The following HECW2 variants were observed in gnomAD, a reference collection of about 807,000 sequenced individuals.
The protein encoded by HECW2 is HECT, C2 and WW domain containing E3 ubiquitin protein ligase 2, also known as E3 ubiquitin-protein ligase HECW2.
A neutral mutation model predicts 175.2 loss-of-function variants in HECW2; 61 were observed. That is an observed-to-expected ratio of 0.35 (90% confidence interval 0.28 to 0.43). The LOEUF is 0.43. Ranked by LOEUF, HECW2 falls within the 20% of genes least tolerant of loss-of-function variation. HECW2 has a pLI of 1.00. For missense variants in HECW2, 1,524 were observed against 2,000.5 expected (o/e 0.76, Z 4.54); for synonymous variants, 671 against 731.0 (o/e 0.92, Z 1.32).
At chr2:196,252,933 C>A (rs1001836538) in intron 19 of HECW2, among the ~76,000 whole-genome samples, 1 of 152,210 alleles carries the variant, frequency 6.6e-6, no homozygotes, top group African/African-American at 2.4e-5. Context: ...GAACTAACTA[C>A]AGAGCTTCAC....
chr2:196,470,151 G>A (rs907450140), intron 1 of HECW2, among the ~76,000 whole-genome samples: 7 of 152,004 alleles, frequency 4.6e-5, no homozygotes, highest in Admixed American at 4.6e-4. Flanking sequence ...GAGATACCAG[G>A]CAAATAAACA....
chr2:196,240,298 T>TAAAA (rs35227584), intron 21 of HECW2, 151 bp downstream of exon 21: 6 of 373,758 alleles, frequency 1.6e-5, no homozygotes, highest in African/African-American at 4.4e-5. Context: ...AGGAGACCTT[T>TAAAA]AAAAAAAAAA....
At chr2:196,275,953 C>T (rs1689938873) in intron 15 of HECW2, among the ~76,000 whole-genome samples, 1 of 152,168 alleles carries the variant, frequency 6.6e-6, no homozygotes, top group South Asian at 2.1e-4. Context: ...GAAGTCTTCT[C>T]ATCCTGCTTC....
At chr2:196,365,466 A>G (rs564857168) in intron 2 of HECW2, among the ~76,000 whole-genome samples, 1 of 152,214 alleles carries the variant, frequency 6.6e-6, no homozygotes, top group African/African-American at 2.4e-5. Context: ...GTGTCTGCCT[A>G]TCTGCTGCAA....
At chr2:196,257,556 T>G (rs1689110847) in intron 18 of HECW2, among the ~76,000 whole-genome samples, 1 of 152,282 alleles carries the variant, frequency 6.6e-6, no homozygotes, top group South Asian at 2.1e-4. Flanking sequence ...AGTGGGAGAT[T>G]CTATTCATTA....
chr2:196,310,623 A>T (rs1301396340), intron 10 of HECW2, among the ~76,000 whole-genome samples: 2 of 152,236 alleles, frequency 1.3e-5, no homozygotes, highest in African/African-American at 4.8e-5. Flanking sequence ...CTCATTTCAT[A>T]GCATCAAAGT....
chr2:196,358,598 A>G (rs1174743651), intron 2 of HECW2, among the ~76,000 whole-genome samples: 3 of 126,012 alleles, frequency 2.4e-5, no homozygotes, highest in African/African-American at 8.4e-5. Context: ...AAAAAAAAAA[A>G]AAAAAAAAAA....
At chr2:196,269,516 A>AAAAAAAAAAAAAAC (rs1474148175) in intron 17 of HECW2, 1 of 151,086 alleles carries the variant, frequency 6.6e-6, no homozygotes, top group African/African-American at 2.4e-5. Flanking sequence ...AAAAAAAAAA[A>AAAAAAAAAAAAAAC]AAAAAGACAT....
chr2:196,212,460 T>G (rs910738284), intron 28 of HECW2, among the ~76,000 whole-genome samples: 46 of 152,184 alleles, frequency 3.0e-4, no homozygotes, highest in African/African-American at 1.1e-3. Flanking sequence ...GGTTTTCTGT[T>G]CCTGTGTTAG....
In HECW2 at chr2:196,401,667, G is replaced by T. The variant is rs549119198; in HGVS notation, c.292+31465C>A. Among the ~76,000 whole-genome samples, 143 of 152,280 alleles carry T rather than the reference G, an allele frequency of 9.4e-4. 1 individual carries two copies. The highest frequency in any genetic ancestry group is 3.3e-3 in the African/African-American group (137 of 41,552). ...TTATATACACAGGAGTGAATACACA[G>T]TCAGGGTATATATTCATCCTGTATA... On this transcript the variant is annotated intron_variant, in intron 2 of 28. Coordinates refer to ENST00000644978, the MANE Select transcript of HECW2 (RefSeq NM_001348768.2).
At chr2:196,263,369 C>A (rs564556635) in intron 17 of HECW2, 41 of 152,226 alleles carry the variant, frequency 2.7e-4, no homozygotes, top group African/African-American at 9.2e-4. Context: ...CATGAAACCA[C>A]CCAATATTCT....
chr2:196,196,912 T>TTG lies in HECW2; in HGVS notation c.*4363_*4364dup. ...CAAGAGTTTGAGACGTGCCTGGGCC[T>TTG]TGTCTCTACAAAAATACAAAAATTA... On this transcript the variant is annotated 3_prime_UTR_variant, in exon 29 of 29. Coordinates refer to ENST00000644978, the MANE Select transcript of HECW2 (RefSeq NM_001348768.2). The TTG allele has an allele frequency of 6.6e-6, 1 of 152,026 alleles. No homozygotes were observed. Among genetic ancestry groups the TTG allele is most frequent in the East Asian group, 1.9e-4 (1 of 5,154 alleles). The allele number at this position is 152,026 out of a possible 1,614,324, so 9.4% of individuals were successfully genotyped here. A position where few individuals can be genotyped will look rare whatever the true frequency, so the allele number is the denominator to read the frequency against.
At chr2:196,212,491 C>T (rs1021392495) in intron 28 of HECW2, among the ~76,000 whole-genome samples, 2 of 152,144 alleles carry the variant, frequency 1.3e-5, no homozygotes, top group African/African-American at 4.8e-5. Flanking sequence ...ATAATGGCCT[C>T]CAGCTCCATC....
At chr2:196,312,579 C>T (rs1372675628) in intron 10 of HECW2, among the ~76,000 whole-genome samples, 2 of 152,134 alleles carry the variant, frequency 1.3e-5, no homozygotes, top group African/African-American at 4.8e-5. Flanking sequence ...AGGTCCATTT[C>T]CCCATACGGA....
At chr2:196,518,439 T>A (rs1688225792) in intron 1 of HECW2, among the ~76,000 whole-genome samples, 1 of 151,908 alleles carries the variant, frequency 6.6e-6, no homozygotes, top group African/African-American at 2.4e-5. Flanking sequence ...GTGGATCGCT[T>A]GAGGTCAGGA....
intron 1 of HECW2, among the ~76,000 whole-genome samples, chr2:196,437,724 T>C (rs6747419): frequency 0.31 from 46,461 of 150,614 alleles, 8,520 homozygotes; most frequent in African/African-American, 0.52. Flanking sequence ...GTTAGGCCCA[T>C]CCAGCGTCAC....
chr2:196,502,225 T>C (rs1030648349), intron 1 of HECW2, among the ~76,000 whole-genome samples: 2 of 152,254 alleles, frequency 1.3e-5, no homozygotes, highest in Admixed American at 1.3e-4. Context: ...TTTCTTAATA[T>C]GTTGTCTTCA....
intron 17 of HECW2, among the ~76,000 whole-genome samples, chr2:196,260,907 G>A (rs985601776): frequency 6.6e-6 from 1 of 152,176 alleles, no homozygotes; most frequent in Non-Finnish European, 1.5e-5. Context: ...TCTTCACTTC[G>A]ATGATCAAAG....
intron 1 of HECW2, among the ~76,000 whole-genome samples, chr2:196,538,268 TAG>T (rs1689087679): frequency 6.6e-6 from 1 of 152,190 alleles, no homozygotes; most frequent in African/African-American, 2.4e-5. Flanking sequence ...TGTCAATTTT[TAG>T]AGTGTCACTG....
Sources: gnomAD v4.1 joint callset for allele counts (sites outside exome capture counted in the v4.1 genomes callset) on GRCh38, gnomAD v4.1.1 for gene constraint, MANE v1.5 for transcripts, NCBI Gene and HGNC (gene_info 2026-07-23, HGNC 2026-07-21) for gene names.